The following LRRTM4 variants were observed in gnomAD, a reference collection of about 807,000 sequenced individuals.
LRRTM4 encodes leucine-rich repeat transmembrane neuronal protein 4.
Under a neutral mutation model 47.6 loss-of-function variants are expected in LRRTM4, and 25 were observed. That is an observed-to-expected ratio of 0.53 (90% CI 0.38 to 0.73). The LOEUF (loss-of-function observed/expected upper bound fraction) is 0.73, where lower values mean the gene tolerates loss of function less well. LRRTM4 is among the 30% of genes least tolerant of loss of function. The pLI, the probability that LRRTM4 is intolerant of heterozygous loss-of-function variation, is 0.00. For synonymous variants in LRRTM4, 311 were observed against 269.5 expected (o/e 1.15, Z -1.51); for missense variants, 638 against 713.4 (o/e 0.89, Z 1.20).
rs547821698 is a variant in LRRTM4, at chr2:77,070,070, C to G, written c.1552-321154G>C. ...CAGATTATATATATATATATAAAATCGGAAATGAGGCTATGAATGAGCTAT... is the reference window on the plus strand; with the variant it reads ...CAGATTATATATATATATATAAAATGGGAAATGAGGCTATGAATGAGCTAT... On this transcript the variant is annotated intron_variant, in intron 3 of 3. Transcript: ENST00000409884. Among the ~76,000 whole-genome samples, 9 of 151,944 alleles carry G rather than the reference C, an allele frequency of 5.9e-5. No individual in the cohort carries two copies. In the South Asian group the frequency reaches 1.9e-3, roughly 32 times the overall value.
chr2:77,012,238 T>C (rs1677901246), intron 3 of LRRTM4, among the ~76,000 whole-genome samples: 1 of 152,106 alleles, frequency 6.6e-6, no homozygotes, highest in African/African-American at 2.4e-5. Context: ...AAAACTGGAA[T>C]AATTCGTTAG....
intron 3 of LRRTM4, among the ~76,000 whole-genome samples, chr2:76,914,652 A>G (rs928287977): frequency 1.3e-5 from 2 of 152,188 alleles, no homozygotes; most frequent in Admixed American, 6.5e-5. Context: ...ATCTGACTCA[A>G]AAAACTTCTA....
At chr2:77,170,538 T>C (rs1048550434) in intron 3 of LRRTM4, among the ~76,000 whole-genome samples, 4 of 152,192 alleles carry the variant, frequency 2.6e-5, no homozygotes, top group Non-Finnish European at 5.9e-5. Flanking sequence ...TCTTAGATAA[T>C]AAATATGTGT....
At chr2:76,908,958 A>T (rs1392981028) in intron 3 of LRRTM4, among the ~76,000 whole-genome samples, 1 of 152,160 alleles carries the variant, frequency 6.6e-6, no homozygotes, top group Non-Finnish European at 1.5e-5. Flanking sequence ...CCATCAAGCT[A>T]CCAATGCCTT....
intron 3 of LRRTM4, among the ~76,000 whole-genome samples, chr2:77,216,981 G>C (rs1039338690): frequency 3.3e-5 from 5 of 151,808 alleles, no homozygotes; most frequent in Admixed American, 3.3e-4. Context: ...GCTGAGGCAG[G>C]AGAATGGCGT....
chr2:77,483,052 C>T (rs890298409), intron 3 of LRRTM4, among the ~76,000 whole-genome samples: 3 of 129,996 alleles, frequency 2.3e-5, no homozygotes, highest in Non-Finnish European at 4.6e-5. Context: ...ACCTGAGAGG[C>T]AGAGGTTGCA....
chr2:76,931,602 T>C (rs932584075), intron 3 of LRRTM4, among the ~76,000 whole-genome samples: 4 of 152,142 alleles, frequency 2.6e-5, no homozygotes, highest in African/African-American at 9.7e-5. Flanking sequence ...TTCCTTGCCC[T>C]CAAAGTTGGA....
At chr2:77,468,310 G>A (rs1363937569) in intron 3 of LRRTM4, among the ~76,000 whole-genome samples, 1 of 151,990 alleles carries the variant, frequency 6.6e-6, no homozygotes, top group Non-Finnish European at 1.5e-5. Flanking sequence ...TATAAGCACA[G>A]TACTATGTTA....
chr2:77,099,874 A>G (rs898246481), intron 3 of LRRTM4, among the ~76,000 whole-genome samples: 4 of 152,072 alleles, frequency 2.6e-5, no homozygotes, highest in Non-Finnish European at 5.9e-5. Flanking sequence ...ATAATAATAT[A>G]TTATTCACTG....
intron 3 of LRRTM4, among the ~76,000 whole-genome samples, chr2:77,370,309 C>T (rs1278291674): frequency 6.6e-6 from 1 of 151,656 alleles, no homozygotes; most frequent in Non-Finnish European, 1.5e-5. Context: ...TTAATCTTGG[C>T]TTGATGAAGT....
At chr2:77,247,823 T>C (rs1294282938) in intron 3 of LRRTM4, among the ~76,000 whole-genome samples, 2 of 151,978 alleles carry the variant, frequency 1.3e-5, no homozygotes, top group Admixed American at 1.3e-4. Flanking sequence ...GGTGAATTAG[T>C]ATTTTGCAAT....
chr2:76,964,145 A>G (rs1357177009), intron 3 of LRRTM4, among the ~76,000 whole-genome samples: 1 of 151,028 alleles, frequency 6.6e-6, no homozygotes, highest in Non-Finnish European at 1.5e-5. Context: ...TGAGCCAAAC[A>G]AAATGAATGT....
chr2:76,807,800 C>T (rs913296382), intron 3 of LRRTM4, among the ~76,000 whole-genome samples: 1 of 151,716 alleles, frequency 6.6e-6, no homozygotes, highest in Admixed American at 6.6e-5. Context: ...CCATGTTGGT[C>T]TCCAACTCCT....
intron 3 of LRRTM4, among the ~76,000 whole-genome samples, chr2:76,851,960 G>C (rs965617676): frequency 1.3e-5 from 2 of 151,924 alleles, no homozygotes; most frequent in African/African-American, 2.4e-5. Context: ...TATGATTCTT[G>C]AGTTTTAATA....
intron 3 of LRRTM4, among the ~76,000 whole-genome samples, chr2:77,305,665 C>G (rs903432427): frequency 1.3e-5 from 2 of 151,990 alleles, no homozygotes; most frequent in Non-Finnish European, 2.9e-5. Context: ...CTCTTCAAAT[C>G]GTTGCTTTGT....
rs898873182 is a variant in LRRTM4, at chr2:76,970,613, A to C, written c.1552-221697T>G. Among the ~76,000 whole-genome samples the C allele has an allele frequency of 5.9e-5, 9 of 152,196 alleles. No homozygotes were observed. The East Asian group carries it at 1.8e-3, about 30-fold the overall frequency. ...TGAGAAATAATTGGCTTGCATTATGAGACTTGCGATTTCTCACAAAAGGAA... is the reference window on the plus strand; with the variant it reads ...TGAGAAATAATTGGCTTGCATTATGCGACTTGCGATTTCTCACAAAAGGAA... On this transcript the variant is annotated intron_variant, in intron 3 of 3. Transcript: ENST00000409884.
chr2:77,230,226 C>T (rs1259608221), intron 3 of LRRTM4, among the ~76,000 whole-genome samples: 2 of 152,104 alleles, frequency 1.3e-5, no homozygotes, highest in African/African-American at 4.8e-5. Flanking sequence ...TAATTATTAA[C>T]CTACCATTAT....
intron 3 of LRRTM4, among the ~76,000 whole-genome samples, chr2:77,332,599 T>G (rs1004665728): frequency 1.3e-5 from 2 of 152,190 alleles, no homozygotes; most frequent in African/African-American, 4.8e-5. Flanking sequence ...ATATTTATTT[T>G]TAGAGATCAA....
At chr2:77,064,792 G>A (rs1017426540) in intron 3 of LRRTM4, among the ~76,000 whole-genome samples, 5 of 152,028 alleles carry the variant, frequency 3.3e-5, no homozygotes, top group African/African-American at 1.2e-4. Flanking sequence ...AGATTGGGGG[G>A]ACTTTTGGAT....
Sources: gnomAD v4.1 joint callset for allele counts (sites outside exome capture counted in the v4.1 genomes callset) on GRCh38, gnomAD v4.1.1 for gene constraint, MANE v1.5 for transcripts, NCBI Gene and HGNC (gene_info 2026-07-23, HGNC 2026-07-21) for gene names.